Variants in FLT1 observed in about 807,000 individuals in gnomAD.
FLT1 encodes fms related receptor tyrosine kinase 1, also known as vascular endothelial growth factor receptor 1.
In FLT1, 49 loss-of-function variants were observed where a neutral mutation model predicts 156.3. That is an observed-to-expected ratio of 0.31 (90% CI 0.25 to 0.40). FLT1 has a LOEUF of 0.40. FLT1 is among the 10% of genes least tolerant of loss of function. The pLI, the probability that FLT1 is intolerant of heterozygous loss-of-function variation, is 1.00. For synonymous variants in FLT1, 594 were observed against 583.8 expected (o/e 1.02, Z -0.25); for missense variants, 1,322 against 1,637.2 (o/e 0.81, Z 3.32).
At chr13:28,420,372 T>C (rs1566017776) in intron 10 of FLT1, among the ~76,000 whole-genome samples, 1 of 152,192 alleles carries the variant, frequency 6.6e-6, no homozygotes, top group Non-Finnish European at 1.5e-5. Flanking sequence ...ATTCAAGGTT[T>C]TGTTTGTGGT....
intron 3 of FLT1, among the ~76,000 whole-genome samples, chr13:28,451,634 G>A (rs1443042155): frequency 1.3e-5 from 2 of 152,044 alleles, no homozygotes; most frequent in African/African-American, 4.8e-5. Flanking sequence ...GGAGGGGAGC[G>A]GGTCGGGGTG....
intron 10 of FLT1, among the ~76,000 whole-genome samples, chr13:28,412,393 T>TTTCCTTCCTTCC (rs1876338743): frequency 7.5e-6 from 1 of 133,192 alleles, no homozygotes; most frequent in African/African-American, 2.9e-5. Flanking sequence ...TCTTTCTTTC[T>TTTCCTTCCTTCC]TTCTTTCTTT....
intron 10 of FLT1, among the ~76,000 whole-genome samples, chr13:28,411,070 T>C (rs953634834): frequency 6.6e-6 from 1 of 152,030 alleles, no homozygotes; most frequent in Non-Finnish European, 1.5e-5. Context: ...AAATTAAATT[T>C]ATGTTTTTAA....
rs73455428 is a variant in FLT1, at chr13:28,458,716, C to A, written c.388+8187G>T. ...TTTTTAGAAGGGAAATGTGACATGT[C>A]AGGGCTTAAAGATATCAAGAATGTC... On this transcript the variant is annotated intron_variant, in intron 3 of 29. Coordinates refer to ENST00000282397, the MANE Select transcript of FLT1 (RefSeq NM_002019.4). Among the ~76,000 whole-genome samples the A allele has an allele frequency of 3.5e-3, 533 of 152,282 alleles. 2 individuals are homozygous for A. Among genetic ancestry groups the A allele is most frequent in the African/African-American group, 0.012 (508 of 41,560 alleles).
rs1238963201 is a variant in FLT1 at position 28,317,558 on chromosome 13, A to G, written c.3326T>C (p.Phe1109Ser). The stretch of plus-strand genomic sequence containing the variant: ...CATGCCTTCCCTCAGGCGACTGCAA[A>G]AGTCCTCATCCATTTGTACTCCTGG... ...PYPGVQMDED[F>S]CSRLREGMRM... Residue 1109 changes from phenylalanine to serine, a missense_variant, in exon 25 of 30, where the codon TTT (phenylalanine) becomes TCT (serine). Physicochemically the swap from Phe to Ser is radical, Grantham distance 155. Coordinates refer to ENST00000282397, the MANE Select transcript of FLT1 (RefSeq NM_002019.4). 2 of 1,614,050 alleles carry G rather than the reference A, an allele frequency of 1.2e-6. No homozygotes were observed. Among genetic ancestry groups the G allele is most frequent in the Admixed American group, 1.7e-5 (1 of 60,022 alleles).
At chr13:28,456,386 G>C (rs146422978) in intron 3 of FLT1, among the ~76,000 whole-genome samples, 1 of 152,182 alleles carries the variant, frequency 6.6e-6, no homozygotes, top group African/African-American at 2.4e-5. Flanking sequence ...GAAAGACATG[G>C]AGGAACTTTA....
chr13:28,425,989 T>C (rs914381344), intron 10 of FLT1, among the ~76,000 whole-genome samples: 1 of 152,176 alleles, frequency 6.6e-6, no homozygotes, highest in East Asian at 1.9e-4. Context: ...AGGAATTCCA[T>C]AGCTCACCAG....
intron 19 of FLT1, chr13:28,328,264 C>G (rs1428219956): frequency 6.6e-6 from 1 of 152,230 alleles, no homozygotes; most frequent in Non-Finnish European, 1.5e-5. Flanking sequence ...TTAAAAAGGT[C>G]AAACCATTTT....
At chr13:28,359,230 C>A (rs1032772160) in intron 14 of FLT1, among the ~76,000 whole-genome samples, 1 of 152,064 alleles carries the variant, frequency 6.6e-6, no homozygotes, top group Non-Finnish European at 1.5e-5. Flanking sequence ...AGAAATCAAC[C>A]CAAACATCTA....
At chr13:28,370,321 T>C (rs1873501179) in intron 14 of FLT1, among the ~76,000 whole-genome samples, 1 of 152,042 alleles carries the variant, frequency 6.6e-6, no homozygotes, top group Non-Finnish European at 1.5e-5. Flanking sequence ...AGAGTTATGA[T>C]GGGGGGAGAG....
rs3751396 is a variant in FLT1 at position 28,386,429 on chromosome 13, A to G, written c.1970-1398T>C. The G allele has an allele frequency of 1.1e-3, 1,102 of 1,040,264 alleles. 17 individuals carry two copies. In the East Asian group the frequency reaches 0.033, roughly 31 times the overall value. 64.4% of individuals were successfully genotyped at this position (1,040,264 alleles called of 1,614,324 possible). A position where few individuals can be genotyped will look rare whatever the true frequency, so the allele number is the denominator to read the frequency against. ...ATTTTGATTTCTACAGTTTATCATT[A>G]GTCTTCTCATTTTATAAAAAATGAA... On this transcript the variant is annotated intron_variant, in intron 13 of 29. Transcript: ENST00000282397.
intron 1 of FLT1, among the ~76,000 whole-genome samples, chr13:28,469,637 T>TCC (rs555104302): frequency 1.2e-4 from 18 of 152,178 alleles, no homozygotes; most frequent in Non-Finnish European, 1.8e-4. Context: ...GGGAATCACT[T>TCC]CCCCTCCCCC....
At chr13:28,406,657 A>ATT (rs1475025882) in intron 10 of FLT1, among the ~76,000 whole-genome samples, 31 of 1,964 alleles carry the variant, frequency 0.016, no homozygotes, top group Non-Finnish European at 0.04. Context: ...TATTATTATT[A>ATT]ATATTAGAGA....
At chr13:28,400,828 G>A (rs938986650) in intron 11 of FLT1, among the ~76,000 whole-genome samples, 3 of 152,188 alleles carry the variant, frequency 2.0e-5, no homozygotes, top group African/African-American at 7.2e-5. Context: ...AAATTCTTAA[G>A]GATATCTACT....
chr13:28,321,663 TC>T, intron 22 of FLT1, 78 bp from the exon 23 acceptor site: 1 of 1,463,798 alleles, frequency 6.8e-7, no homozygotes, highest in Admixed American at 1.7e-5. Flanking sequence ...AGTGTCATTA[TC>T]TTAATTTGGG....
chr13:28,342,980 CTT>C (rs1872400009), intron 16 of FLT1, among the ~76,000 whole-genome samples: 2 of 149,968 alleles, frequency 1.3e-5, no homozygotes, highest in Admixed American at 6.7e-5. Flanking sequence ...TTCTTTCTTT[CTT>C]TTTCTTTCTT....
chr13:28,483,288 T>G (rs1880964144), intron 1 of FLT1, among the ~76,000 whole-genome samples: 1 of 152,236 alleles, frequency 6.6e-6, no homozygotes, highest in South Asian at 2.1e-4. Context: ...AGCATATCCC[T>G]GCCTCCCCAT....
intron 13 of FLT1, chr13:28,385,529 A>G: frequency 9.9e-7 from 1 of 1,011,904 alleles, no homozygotes; most frequent in East Asian, 7.3e-5. Context: ...GTTGTAAGGC[A>G]GCAGACCAAA....
chr13:28,317,302 G>A (rs772098620), intron 25 of FLT1, among the ~76,000 whole-genome samples, 196 bp downstream of exon 25: 1 of 152,230 alleles, frequency 6.6e-6, no homozygotes, highest in African/African-American at 2.4e-5. Flanking sequence ...TGGGTCAAGG[G>A]CCACGTGCCC....
Sources: gnomAD v4.1 joint callset for allele counts (sites outside exome capture counted in the v4.1 genomes callset) on GRCh38, gnomAD v4.1.1 for gene constraint, MANE v1.5 for transcripts, NCBI Gene and HGNC (gene_info 2026-07-23, HGNC 2026-07-21) for gene names.